CD109: variants seen among roughly 807,000 people sequenced by gnomAD.
CD109 encodes CD109 antigen.
In CD109, 149 loss-of-function variants were observed where a neutral mutation model predicts 165.8. The observed-to-expected ratio is 0.90, with a 90% CI of 0.79 to 1.03. The LOEUF is 1.03. CD109 is among the 50% of genes least tolerant of loss of function. CD109 has a pLI of 0.00. For synonymous variants in CD109, 585 were observed against 592.1 expected, an observed-to-expected ratio of 0.99 and a Z score of 0.18; for missense variants, 1,712 against 1,677.8, an observed-to-expected ratio of 1.02 and a Z score of -0.36.
chr6:73,718,623 G>T (rs1771833555), intron 2 of CD109, among the ~76,000 whole-genome samples: 1 of 151,596 alleles, frequency 6.6e-6, no homozygotes, highest in Non-Finnish European at 1.5e-5. Flanking sequence ...TAGAGCTCAG[G>T]CCCATGAGTC....
the CD109 span, among the ~76,000 whole-genome samples, chr6:73,680,626 A>G: frequency 2.6e-5 from 4 of 152,230 alleles, no homozygotes; most frequent in Admixed American, 2.0e-4. Context: ...AGACTCCTGC[A>G]GGGGAAAGGT....
intron 24 of CD109, among the ~76,000 whole-genome samples, chr6:73,805,705 T>C (rs937313630): frequency 1.3e-5 from 2 of 152,176 alleles, no homozygotes; most frequent in African/African-American, 4.8e-5. Context: ...TCCGCAGTGT[T>C]TGTGTCCCTG....
At chr6:73,756,389 A>G (rs1773391136) in intron 5 of CD109, among the ~76,000 whole-genome samples, 1 of 152,188 alleles carries the variant, frequency 6.6e-6, no homozygotes, top group Admixed American at 6.5e-5. Flanking sequence ...ATGACCCGCA[A>G]TGAATTATAG....
chr6:73,770,581 C>G (rs895477369), intron 14 of CD109, among the ~76,000 whole-genome samples: 5 of 151,994 alleles, frequency 3.3e-5, no homozygotes, highest in African/African-American at 1.2e-4. Flanking sequence ...CCTGTCTCTA[C>G]TAAAAAAGTT....
chr6:73,792,873 AC>A, intron 23 of CD109, 71 bp downstream of exon 23: 1 of 1,158,786 alleles, frequency 8.6e-7, no homozygotes, highest in Non-Finnish European at 1.2e-6. Flanking sequence ...TTCATTCTAG[AC>A]CATATTTCAA....
At chr6:73,714,293 T>G (rs73754665) in intron 2 of CD109, among the ~76,000 whole-genome samples, 7,120 of 152,286 alleles carry the variant, frequency 0.047, 581 homozygotes, top group African/African-American at 0.16. Flanking sequence ...AGAATTGCCT[T>G]GCCCATGGTG....
intron 4 of CD109, among the ~76,000 whole-genome samples, chr6:73,731,537 C>G (rs747966478): frequency 6.6e-6 from 1 of 152,172 alleles, no homozygotes; most frequent in Admixed American, 6.5e-5. Context: ...AGGTCCTATA[C>G]AAGTAGGTGG....
intron 7 of CD109, among the ~76,000 whole-genome samples, chr6:73,761,780 C>A (rs991514892): frequency 8.5e-5 from 13 of 152,130 alleles, no homozygotes; most frequent in African/African-American, 3.1e-4. Flanking sequence ...CTCGGCCTCC[C>A]AAAGTGCTGG....
At chr6:73,804,102 T>C (rs1202819745) in intron 24 of CD109, 1 of 152,218 alleles carries the variant, frequency 6.6e-6, no homozygotes, top group Non-Finnish European at 1.5e-5. Flanking sequence ...TTTCTACTCA[T>C]TTTATCCTTC....
chr6:73,781,021 TTGAG>T (rs1465234451), intron 16 of CD109, among the ~76,000 whole-genome samples: 2 of 144,722 alleles, frequency 1.4e-5, no homozygotes, highest in African/African-American at 5.1e-5. Context: ...GTGTGTGTGT[TTGAG>T]TGAGAAAGAT....
intron 5 of CD109, among the ~76,000 whole-genome samples, chr6:73,754,319 A>G (rs1582105524): frequency 6.6e-6 from 1 of 152,304 alleles, no homozygotes; most frequent in East Asian, 1.9e-4. Flanking sequence ...AAAGGCCAAC[A>G]TTTAAGGATC....
chr6:73,787,115 C>T, intron 20 of CD109, 119 bp from the exon 21 acceptor site: 1 of 638,588 alleles, frequency 1.6e-6, no homozygotes. Context: ...GAATCTTTGT[C>T]TCATCTTTTC....
Position 73,818,397 on chromosome 6 carries a change from C to T in CD109, c.3921C>T (p.Gly1307=), listed in dbSNP as rs1159497485. Reference sequence around the variant, plus strand: ...TCCCTCTTTGATTTAGCTTTTCGGGCCCGGGTAGGAGTGGCATGGCTCTTA... The same window carrying T: ...TCCCTCTTTGATTTAGCTTTTCGGGTCCGGGTAGGAGTGGCATGGCTCTTA... ...VDLNVCTSFS[G]PGRSGMALME... The change falls in exon 31 of 33, where the codon GGC becomes GGT. Residue 1307 remains glycine, a synonymous_variant. Coordinates refer to ENST00000287097, the MANE Select transcript of CD109 (RefSeq NM_133493.5). 3.1e-6 allele frequency: 5 copies of T among 1,613,718 alleles called. No homozygotes were observed. Among genetic ancestry groups the T allele is most frequent in the African/African-American group, 2.7e-5 (2 of 74,998 alleles).
intron 22 of CD109, among the ~76,000 whole-genome samples, chr6:73,790,321 C>A (rs1249537505): frequency 6.6e-6 from 1 of 152,022 alleles, no homozygotes; most frequent in Non-Finnish European, 1.5e-5. Flanking sequence ...GTCTCAAACC[C>A]CTCACCTCAG....
rs1420969228 is a variant in CD109, at chr6:73,781,205, T to A, written c.1903-54T>A. 4.8e-6 allele frequency: 7 copies of A among 1,452,946 alleles called. No homozygotes were observed. In the East Asian group the frequency reaches 1.6e-4, roughly 34 times the overall value. 90.0% of individuals were successfully genotyped at this position (1,452,946 alleles called of 1,614,324 possible). A position where few individuals can be genotyped will look rare whatever the true frequency, so the allele number is the denominator to read the frequency against. On this transcript the variant is annotated intron_variant, in intron 16 of 32. Transcript: ENST00000287097. ...GAGTTTGGGAGACTGCCTTGATAAT[T>A]TAGTGAGCATTTAAACTTGTGTTTT...
chr6:73,723,331 CTAAA>C, intron 3 of CD109, 52 bp downstream of exon 3: 1 of 1,283,948 alleles, frequency 7.8e-7, no homozygotes, highest in Non-Finnish European at 1.1e-6. Flanking sequence ...TATCAGTGAA[CTAAA>C]TAAATTAATA....
At chr6:73,757,124 AC>A (rs1022580971) in intron 6 of CD109, among the ~76,000 whole-genome samples, 1 of 152,234 alleles carries the variant, frequency 6.6e-6, no homozygotes, top group Non-Finnish European at 1.5e-5. Context: ...AAACAGTGGG[AC>A]CCATCTATTT....
At chr6:73,782,032 G>T (rs1043493041) in intron 17 of CD109, among the ~76,000 whole-genome samples, 5 of 152,128 alleles carry the variant, frequency 3.3e-5, no homozygotes, top group Non-Finnish European at 5.9e-5. Context: ...TTTTCTTTCA[G>T]GTTAAGTTAT....
At chr6:73,781,985 G>A (rs1774526720) in intron 17 of CD109, among the ~76,000 whole-genome samples, 1 of 152,160 alleles carries the variant, frequency 6.6e-6, no homozygotes, top group African/African-American at 2.4e-5. Flanking sequence ...ATGTATAAAT[G>A]TATAAATTAG....
Sources: gnomAD v4.1 joint callset for allele counts (sites outside exome capture counted in the v4.1 genomes callset) on GRCh38, gnomAD v4.1.1 for gene constraint, MANE v1.5 for transcripts, NCBI Gene and HGNC (gene_info 2026-07-23, HGNC 2026-07-21) for gene names.